Variants in NALF1 observed in about 807,000 individuals in gnomAD.
NALF1 encodes NALCN channel auxiliary factor 1, also known as family with sequence similarity 155 member A.
NALF1 carries 3 observed loss-of-function variants against 48.4 expected under a neutral mutation model. The ratio of observed to expected loss-of-function variants is 0.06; its 90% CI spans 0.03 to 0.16. The LOEUF (loss-of-function observed/expected upper bound fraction) is 0.16, where lower values mean the gene tolerates loss of function less well. NALF1 is among the 10% of genes least tolerant of loss of function. The pLI is 1.00. For synonymous variants in NALF1, 262 were observed against 245.7 expected (o/e 1.07, Z -0.62); for missense variants, 526 against 571.5 (o/e 0.92, Z 0.81).
chr13:107,204,439 G>A lies in NALF1; in HGVS notation c.1087+6145C>T, dbSNP rs145436572. On this transcript the variant is annotated intron_variant, in intron 2 of 2. Coordinates refer to ENST00000375915, the MANE Select transcript of NALF1 (RefSeq NM_001080396.3). The stretch of plus-strand genomic sequence containing the variant: ...GAGGCAATGAGACCTTACAGTGGGG[G>A]CGATTTTCCAAAATTCATAGCTACT... 4.0e-3 allele frequency among the ~76,000 whole-genome samples: 604 copies of A among 152,102 alleles called. 2 individuals are homozygous for A. Among genetic ancestry groups the A allele is most frequent in the African/African-American group, 0.013 (548 of 41,492 alleles).
intron 1 of NALF1, among the ~76,000 whole-genome samples, chr13:107,443,350 G>A (rs12865063): frequency 0.12 from 17,682 of 151,922 alleles, 1,143 homozygotes; most frequent in Middle Eastern, 0.18. Context: ...CGAGTAGTAC[G>A]GATTACAGGT....
At position 107,866,367 on chromosome 13, in the gene NALF1, CGCT is replaced by C. The variant is rs3832903; in HGVS notation, c.227_229del (p.Gln76del). On this transcript the variant is annotated inframe_deletion, in exon 1 of 3. Coordinates refer to ENST00000375915, the MANE Select transcript of NALF1 (RefSeq NM_001080396.3). This position sits in a 1 kb window ranked among gnomAD's most constrained non-coding sequence, Gnocchi z 4.4. Reference sequence around the variant, plus strand: ...CTGCTGCTGCTGCTGCTGCTGCTGCCGCTGCTGCTGCTGGTGCTCCTTGTCCCG... The same window carrying C: ...CTGCTGCTGCTGCTGCTGCTGCTGCCGCTGCTGCTGGTGCTCCTTGTCCCG... 30 of 1,572,904 alleles carry C rather than the reference CGCT, an allele frequency of 1.9e-5. No homozygotes were observed. The highest frequency in any genetic ancestry group is 2.7e-5 in the African/African-American group (2 of 74,272).
At chr13:107,828,809 T>C (rs1026325581) in intron 1 of NALF1, among the ~76,000 whole-genome samples, 2 of 152,168 alleles carry the variant, frequency 1.3e-5, no homozygotes, top group South Asian at 2.1e-4. Context: ...TGTGGATTTG[T>C]ATTTTCACTT....
chr13:107,269,913 A>AT (rs71121514), intron 1 of NALF1, among the ~76,000 whole-genome samples: 5,190 of 88,918 alleles, frequency 0.058, 592 homozygotes, highest in Non-Finnish European at 0.077. Flanking sequence ...CGCCCGGCTA[A>AT]TTTTTTTTTT....
chr13:107,579,805 C>T (rs1186714067), intron 1 of NALF1, among the ~76,000 whole-genome samples: 1 of 152,022 alleles, frequency 6.6e-6, no homozygotes, highest in African/African-American at 2.4e-5. Context: ...GTATATCTCC[C>T]AATACTATCC....
At chr13:107,743,510 A>G (rs1280935211) in intron 1 of NALF1, among the ~76,000 whole-genome samples, 1 of 152,266 alleles carries the variant, frequency 6.6e-6, no homozygotes, top group African/African-American at 2.4e-5. Context: ...ACTCAAGAGA[A>G]GAACTGTACC....
intron 1 of NALF1, among the ~76,000 whole-genome samples, chr13:107,531,476 G>T (rs1876637563): frequency 6.6e-6 from 1 of 152,136 alleles, no homozygotes; most frequent in African/African-American, 2.4e-5. Flanking sequence ...GTCCTATAAA[G>T]CCTGAAGAAT....
At chr13:107,536,122 T>C (rs1294201248) in intron 1 of NALF1, among the ~76,000 whole-genome samples, 2 of 151,952 alleles carry the variant, frequency 1.3e-5, no homozygotes, top group Non-Finnish European at 2.9e-5. Flanking sequence ...ACCATAAAAA[T>C]CCTAGAAGAA....
At chr13:107,847,101 A>G (rs1261961035) in intron 1 of NALF1, among the ~76,000 whole-genome samples, 1 of 152,170 alleles carries the variant, frequency 6.6e-6, no homozygotes, top group South Asian at 2.1e-4. Flanking sequence ...GGGGAAAAAA[A>G]GAAAACTTGA....
chr13:107,864,422 C>A (rs1415769777), intron 1 of NALF1, among the ~76,000 whole-genome samples: 1 of 152,184 alleles, frequency 6.6e-6, no homozygotes, highest in African/African-American at 2.4e-5. Flanking sequence ...TAGTCCAGTT[C>A]TTTTATCAAA....
intron 1 of NALF1, among the ~76,000 whole-genome samples, chr13:107,487,208 T>C (rs1014698271): frequency 3.9e-5 from 6 of 152,126 alleles, no homozygotes; most frequent in Non-Finnish European, 7.4e-5. Context: ...ACATGGACAT[T>C]GAATTCTAGA....
chr13:107,731,466 G>C (rs942380636), intron 1 of NALF1, among the ~76,000 whole-genome samples: 3 of 152,024 alleles, frequency 2.0e-5, no homozygotes, highest in Non-Finnish European at 2.9e-5. Flanking sequence ...ACTTGTATCA[G>C]AGGGGTTTGT....
intron 1 of NALF1, among the ~76,000 whole-genome samples, chr13:107,761,892 G>A (rs1418529356): frequency 6.6e-6 from 1 of 152,128 alleles, no homozygotes; most frequent in African/African-American, 2.4e-5. Flanking sequence ...ACTGCAAAGA[G>A]TTATTATGAG....
intron 1 of NALF1, among the ~76,000 whole-genome samples, chr13:107,498,437 T>C (rs887376075): frequency 6.6e-6 from 1 of 152,198 alleles, no homozygotes; most frequent in African/African-American, 2.4e-5. Context: ...TGTTAAAAAA[T>C]GGCTTTGGAT....
chr13:107,705,894 G>C (rs1881935438), intron 1 of NALF1, among the ~76,000 whole-genome samples: 2 of 151,922 alleles, frequency 1.3e-5, no homozygotes, highest in Non-Finnish European at 2.9e-5. Context: ...AGGCATAAGA[G>C]AGGAGTTAAC....
intron 1 of NALF1, among the ~76,000 whole-genome samples, chr13:107,664,263 G>A (rs530827127): frequency 3.3e-5 from 5 of 152,144 alleles, no homozygotes; most frequent in African/African-American, 1.2e-4. Context: ...CTTATCTACT[G>A]TGTTGGTTCT....
At chr13:107,771,609 G>A (rs1322060742) in intron 1 of NALF1, among the ~76,000 whole-genome samples, 1 of 151,888 alleles carries the variant, frequency 6.6e-6, no homozygotes, top group Non-Finnish European at 1.5e-5. Flanking sequence ...GCTAGGAGTT[G>A]CTGGGCTGCA....
At position 107,795,352 on chromosome 13, in the gene NALF1, T is replaced by A. The variant is rs896424883; in HGVS notation, c.915+70330A>T. ...GGGAAGGGAAAAATTTTACAAAGCC[T>A]CATCATTCACGTGTAACTTACTGAG... On this transcript the variant is annotated intron_variant, in intron 1 of 2. Coordinates refer to ENST00000375915, the MANE Select transcript of NALF1 (RefSeq NM_001080396.3). Among the ~76,000 whole-genome samples, 6 of 152,170 alleles carry A rather than the reference T, an allele frequency of 3.9e-5. No homozygotes were observed. The East Asian group carries it at 1.2e-3, about 29-fold the overall frequency.
chr13:107,287,086 A>G (rs558209506), intron 1 of NALF1, among the ~76,000 whole-genome samples: 306 of 152,372 alleles, frequency 2.0e-3, no homozygotes, highest in Non-Finnish European at 3.6e-3. Context: ...CTTAAAATTG[A>G]CATGCACGCA....
Sources: allele counts gnomAD v4.1 joint callset (sites outside exome capture counted in the v4.1 genomes callset), GRCh38; gene constraint gnomAD v4.1.1; non-coding constraint Gnocchi (gnomAD v3.1); transcripts MANE v1.5; gene names NCBI Gene and HGNC (gene_info 2026-07-23, HGNC 2026-07-21).